Variants in NRXN1 observed in about 807,000 individuals in gnomAD.
NRXN1 encodes the protein neurexin 1, also known as neurexin-1.
NRXN1 carries 39 observed loss-of-function variants against 150.9 expected under a neutral mutation model. The ratio of observed to expected loss-of-function variants is 0.26; its 90% CI spans 0.20 to 0.34. The LOEUF (loss-of-function observed/expected upper bound fraction) is 0.34. Among genes scored for constraint, NRXN1 ranks in the 10% least tolerant of loss-of-function variants. The pLI is 1.00. For synonymous variants in NRXN1, 924 were observed against 757.0 expected (o/e 1.22, Z -3.62); for missense variants, 1,815 against 1,949.9 (o/e 0.93, Z 1.30).
intron 18 of NRXN1, among the ~76,000 whole-genome samples, chr2:50,179,575 A>G (rs2060570144): frequency 6.6e-6 from 1 of 152,146 alleles, no homozygotes; most frequent in African/African-American, 2.4e-5. Flanking sequence ...ACATGCACAA[A>G]GGCACTAATC....
At chr2:50,965,719 G>A (rs1437399948) in intron 2 of NRXN1, among the ~76,000 whole-genome samples, 2 of 151,136 alleles carry the variant, frequency 1.3e-5, no homozygotes, top group African/African-American at 4.8e-5. Context: ...GAAATTAGCA[G>A]GTCCTAACAA....
At chr2:50,644,919 T>A (rs1448789854) in intron 5 of NRXN1, among the ~76,000 whole-genome samples, 1 of 151,604 alleles carries the variant, frequency 6.6e-6, no homozygotes, top group Non-Finnish European at 1.5e-5. Context: ...TATATACATA[T>A]TTCTTTTTCA....
At chr2:50,025,050 C>T (rs1027611286) in intron 21 of NRXN1, among the ~76,000 whole-genome samples, 15 of 152,104 alleles carry the variant, frequency 9.9e-5, no homozygotes, top group African/African-American at 3.4e-4. Context: ...AAACACTGCA[C>T]TAGATACTGT....
chr2:50,355,082 G>C (rs984856890), intron 17 of NRXN1, among the ~76,000 whole-genome samples: 12 of 151,994 alleles, frequency 7.9e-5, no homozygotes, highest in Admixed American at 3.3e-4. Context: ...CAAGGACTCA[G>C]AGCATAAAAC....
chr2:50,801,469 G>A (rs913975715), intron 5 of NRXN1, among the ~76,000 whole-genome samples: 1 of 152,250 alleles, frequency 6.6e-6, no homozygotes, highest in Admixed American at 6.5e-5. Flanking sequence ...GTTACATAAT[G>A]ATGCAGGATC....
At chr2:50,727,171 C>G (rs890997185) in intron 5 of NRXN1, among the ~76,000 whole-genome samples, 1 of 152,088 alleles carries the variant, frequency 6.6e-6, no homozygotes, top group Non-Finnish European at 1.5e-5. Flanking sequence ...TTGTCAAAAA[C>G]CCTTATACTT....
At chr2:50,970,543 A>G (rs1694837520) in intron 2 of NRXN1, among the ~76,000 whole-genome samples, 1 of 152,184 alleles carries the variant, frequency 6.6e-6, no homozygotes, top group Non-Finnish European at 1.5e-5. Context: ...GGTGAGCAGT[A>G]AGATGGAAAC....
chr2:50,952,220 C>A (rs996725613), intron 2 of NRXN1, among the ~76,000 whole-genome samples: 1 of 151,720 alleles, frequency 6.6e-6, no homozygotes, highest in Non-Finnish European at 1.5e-5. Context: ...CCCGCCTCGG[C>A]CTCCCAAAGT....
chr2:49,989,749 A>G (rs115811441), intron 21 of NRXN1, among the ~76,000 whole-genome samples: 2,701 of 152,314 alleles, frequency 0.018, 83 homozygotes, highest in African/African-American at 0.059. Context: ...CTATAGCAAG[A>G]GCAGACTAGA....
intron 17 of NRXN1, among the ~76,000 whole-genome samples, chr2:50,252,349 C>A (rs1172230296): frequency 7.2e-6 from 1 of 139,212 alleles, no homozygotes; most frequent in East Asian, 2.2e-4. Flanking sequence ...ACCTCTGTCT[C>A]TTGGGTTCAA....
intron 2 of NRXN1, among the ~76,000 whole-genome samples, chr2:51,004,126 C>A (rs182798162): frequency 1.1e-3 from 171 of 151,462 alleles, no homozygotes; most frequent in African/African-American, 4.0e-3. Context: ...CGGAGGTGAA[C>A]TAACAACCCC....
At chr2:50,161,473 A>C (rs2059360923) in intron 18 of NRXN1, among the ~76,000 whole-genome samples, 1 of 152,134 alleles carries the variant, frequency 6.6e-6, no homozygotes, top group Non-Finnish European at 1.5e-5. Flanking sequence ...GCTGACTGTC[A>C]CTGAGTATAC....
chr2:50,374,063 C>T (rs1286646542), intron 17 of NRXN1, among the ~76,000 whole-genome samples: 4 of 124,258 alleles, frequency 3.2e-5, no homozygotes, highest in African/African-American at 1.5e-4. Context: ...TTTGGGAGGC[C>T]GAGGTGGGGA....
At chr2:50,714,792 C>G (rs1695651505) in intron 5 of NRXN1, among the ~76,000 whole-genome samples, 1 of 152,120 alleles carries the variant, frequency 6.6e-6, no homozygotes, top group South Asian at 2.1e-4. Flanking sequence ...GAGTCAGGAT[C>G]CCTAGCTCCA....
chr2:50,465,881 T>C (rs1443967917), intron 16 of NRXN1, among the ~76,000 whole-genome samples: 1 of 151,914 alleles, frequency 6.6e-6, no homozygotes, highest in Non-Finnish European at 1.5e-5. Context: ...ACTATTTTGA[T>C]TTTAGAAAAT....
At chr2:50,255,711 T>G (rs1315044878) in intron 17 of NRXN1, among the ~76,000 whole-genome samples, 1 of 152,190 alleles carries the variant, frequency 6.6e-6, no homozygotes, top group Non-Finnish European at 1.5e-5. Flanking sequence ...TTAAAAATTT[T>G]AATTCATTTT....
chr2:50,864,182 T>C (rs1676539258), intron 5 of NRXN1, among the ~76,000 whole-genome samples: 4 of 152,016 alleles, frequency 2.6e-5, no homozygotes, highest in Admixed American at 2.6e-4. Context: ...TTTGGATTCA[T>C]GCATGCATTC....
intron 5 of NRXN1, among the ~76,000 whole-genome samples, chr2:50,800,307 C>G (rs1707411529): frequency 6.6e-6 from 1 of 152,320 alleles, no homozygotes; most frequent in African/African-American, 2.4e-5. Context: ...CGTCTCAAAT[C>G]ATCCTCTATT....
At chr2:50,483,271 T>C (rs993688871) in intron 15 of NRXN1, among the ~76,000 whole-genome samples, 7 of 152,132 alleles carry the variant, frequency 4.6e-5, no homozygotes, top group Non-Finnish European at 5.9e-5. Context: ...CCCTCAGTTC[T>C]GGGAATTTCC....
Sources: allele counts gnomAD v4.1 joint callset (sites outside exome capture counted in the v4.1 genomes callset), GRCh38; gene constraint gnomAD v4.1.1; transcripts MANE v1.5; gene names NCBI Gene and HGNC (gene_info 2026-07-23, HGNC 2026-07-21).